STPG2: variants seen among roughly 807,000 people sequenced by gnomAD.
STPG2 encodes the protein sperm tail PG-rich repeat containing 2, also known as sperm-tail PG-rich repeat-containing protein 2.
A neutral mutation model predicts 54.2 loss-of-function variants in STPG2; 56 were observed. The ratio of observed to expected loss-of-function variants is 1.03; its 90% CI spans 0.83 to 1.29. The LOEUF is 1.29. STPG2 is among the 50% of genes most tolerant of loss of function. The pLI, the probability that STPG2 is intolerant of heterozygous loss-of-function variation, is 0.00. For missense variants in STPG2, 596 were observed against 544.9 expected, an observed-to-expected ratio of 1.09 and a Z score of -0.93; for synonymous variants, 200 against 181.8, an observed-to-expected ratio of 1.10 and a Z score of -0.81.
intron 10 of STPG2, among the ~76,000 whole-genome samples, chr4:97,593,921 T>C (rs1733213817): frequency 6.6e-6 from 1 of 151,918 alleles, no homozygotes; most frequent in Non-Finnish European, 1.5e-5. Flanking sequence ...CTTAAGTTCT[T>C]CCAGAAATGA....
intron 3 of STPG2, 41 bp from the exon 4 acceptor site, chr4:98,109,346 G>A (rs368719242): frequency 7.0e-7 from 1 of 1,419,320 alleles, no homozygotes; most frequent in African/African-American, 1.4e-5. Context: ...ATGAAACATA[G>A]TTTAAATAAG....
intron 9 of STPG2, among the ~76,000 whole-genome samples, chr4:97,811,938 C>A (rs923236052): frequency 5.3e-5 from 8 of 151,960 alleles, no homozygotes; most frequent in Non-Finnish European, 1.0e-4. Context: ...TCAGATGTTT[C>A]ATTTGTAGTA....
chr4:97,742,549 G>GTATA (rs1725284779), intron 9 of STPG2, among the ~76,000 whole-genome samples: 2 of 143,304 alleles, frequency 1.4e-5, no homozygotes, highest in Admixed American at 7.3e-5. Flanking sequence ...GTGTGTGTGT[G>GTATA]TGTGTGTGTG....
At chr4:98,073,099 GT>G (rs902800828) in intron 5 of STPG2, among the ~76,000 whole-genome samples, 1 of 152,004 alleles carries the variant, frequency 6.6e-6, no homozygotes, top group Non-Finnish European at 1.5e-5. Flanking sequence ...TGCTTAAGGA[GT>G]TTTTTTATAC....
At chr4:97,911,777 G>T (rs986801528) in intron 8 of STPG2, among the ~76,000 whole-genome samples, 1 of 152,128 alleles carries the variant, frequency 6.6e-6, no homozygotes, top group African/African-American at 2.4e-5. Context: ...GCTGTGGAGA[G>T]TCTGGGCGGT....
chr4:98,114,762 TTTTTG>T (rs879282121), intron 3 of STPG2, among the ~76,000 whole-genome samples: 32 of 80,352 alleles, frequency 4.0e-4, no homozygotes, highest in Non-Finnish European at 6.0e-4. Flanking sequence ...CATTTTTTTT[TTTTTG>T]TGTGTGTGTG....
intron 8 of STPG2, among the ~76,000 whole-genome samples, chr4:97,908,724 A>C (rs1731551929): frequency 6.6e-6 from 1 of 151,678 alleles, no homozygotes; most frequent in Non-Finnish European, 1.5e-5. Context: ...AGGGACATGG[A>C]TGAAATTGGA....
intron 9 of STPG2, among the ~76,000 whole-genome samples, chr4:97,748,765 A>G (rs993427588): frequency 1.3e-5 from 2 of 151,608 alleles, no homozygotes; most frequent in Non-Finnish European, 1.5e-5. Context: ...AATTTGACAC[A>G]AAATAGTATT....
At chr4:97,796,792 A>C (rs1232971575) in intron 9 of STPG2, among the ~76,000 whole-genome samples, 1 of 152,208 alleles carries the variant, frequency 6.6e-6, no homozygotes. Flanking sequence ...TACTTTGGGC[A>C]GTATGGTCAT....
chr4:97,992,238 G>A (rs7658895), intron 5 of STPG2, among the ~76,000 whole-genome samples: 1 of 152,104 alleles, frequency 6.6e-6, no homozygotes. Flanking sequence ...TCAAGTATTA[G>A]ATTTAAGTCT....
intron 5 of STPG2, among the ~76,000 whole-genome samples, chr4:98,009,300 A>G (rs562681912): frequency 6.6e-6 from 1 of 151,478 alleles, no homozygotes; most frequent in South Asian, 2.1e-4. Context: ...TTTTATCTCA[A>G]GATATCTTTT....
intron 5 of STPG2, among the ~76,000 whole-genome samples, chr4:98,023,756 G>A (rs10005867): frequency 0.39 from 59,635 of 151,644 alleles, 11,919 homozygotes; most frequent in Middle Eastern, 0.47. Flanking sequence ...CCCCAGCCTT[G>A]CTGCCACCTT....
chr4:97,736,299 T>C (rs1292838533), intron 9 of STPG2, among the ~76,000 whole-genome samples: 2 of 152,210 alleles, frequency 1.3e-5, no homozygotes, highest in African/African-American at 2.4e-5. Flanking sequence ...ATGGGTGATT[T>C]CTGCATTTCC....
chr4:97,996,775 G>A (rs1578766317), intron 5 of STPG2, among the ~76,000 whole-genome samples: 2 of 151,996 alleles, frequency 1.3e-5, no homozygotes, highest in Admixed American at 6.6e-5. Context: ...TAAAAAATAG[G>A]CAATGAACAG....
chr4:98,047,984 G>A (rs1420516865), intron 5 of STPG2, among the ~76,000 whole-genome samples: 6 of 152,208 alleles, frequency 3.9e-5, no homozygotes, highest in South Asian at 2.1e-4. Context: ...TATAGAGACC[G>A]GAGACAGTAT....
chr4:97,617,084 TAGAA>T (rs1050152079), intron 10 of STPG2, among the ~76,000 whole-genome samples: 1 of 151,960 alleles, frequency 6.6e-6, no homozygotes, highest in Admixed American at 6.6e-5. Context: ...AAATGAAGGC[TAGAA>T]AGAATTAGGT....
At chr4:97,979,130 C>T (rs1734586548) in intron 6 of STPG2, among the ~76,000 whole-genome samples, 1 of 152,028 alleles carries the variant, frequency 6.6e-6, no homozygotes, top group Non-Finnish European at 1.5e-5. Flanking sequence ...CAATAAGAAA[C>T]TCAAAGGTTT....
At chr4:98,141,607 G>T (rs1430309158) in intron 1 of STPG2, among the ~76,000 whole-genome samples, 1 of 151,786 alleles carries the variant, frequency 6.6e-6, no homozygotes, top group Non-Finnish European at 1.5e-5. Flanking sequence ...TCTGAACAAA[G>T]CCAATGTATT....
intron 10 of STPG2, among the ~76,000 whole-genome samples, chr4:97,663,196 A>C (rs960942615): frequency 6.6e-6 from 1 of 152,182 alleles, no homozygotes; most frequent in Admixed American, 6.5e-5. Context: ...CTTAATGCCC[A>C]AGCATATTTA....
Sources: gnomAD v4.1 joint callset for allele counts (sites outside exome capture counted in the v4.1 genomes callset) on GRCh38, gnomAD v4.1.1 for gene constraint, MANE v1.5 for transcripts, NCBI Gene and HGNC (gene_info 2026-07-23, HGNC 2026-07-21) for gene names.